Variants in GRIN2B observed in about 807,000 individuals in gnomAD.
GRIN2B encodes the protein glutamate receptor ionotropic, NMDA 2B.
A neutral mutation model predicts 114.5 loss-of-function variants in GRIN2B; 5 were observed. The ratio of observed to expected loss-of-function variants is 0.04; its 90% CI spans 0.02 to 0.09. The LOEUF (loss-of-function observed/expected upper bound fraction) is 0.09. Ranked by LOEUF, GRIN2B falls within the 10% of genes least tolerant of loss-of-function variation. GRIN2B has a pLI of 1.00. For missense variants in GRIN2B, 1,108 were observed against 1,943.5 expected, an observed-to-expected ratio of 0.57 and a Z score of 8.08; for synonymous variants, 787 against 745.1, an observed-to-expected ratio of 1.06 and a Z score of -0.92.
chr12:13,856,091 G>A (rs567308040), intron 3 of GRIN2B, among the ~76,000 whole-genome samples: 25 of 152,314 alleles, frequency 1.6e-4, no homozygotes, highest in Admixed American at 1.4e-3. Context: ...GAAGGTGGGA[G>A]TCAGGAAAGT....
chr12:13,896,265 G>GC (rs1467487662), intron 2 of GRIN2B, among the ~76,000 whole-genome samples: 1 of 152,126 alleles, frequency 6.6e-6, no homozygotes, highest in Non-Finnish European at 1.5e-5. Context: ...GGGGACAGGA[G>GC]TGCAGAGCTG....
In GRIN2B at chr12:13,731,790, G is replaced by C. The variant is rs114925675; in HGVS notation, c.1010+21527C>G. 2.2e-3 allele frequency among the ~76,000 whole-genome samples: 338 copies of C among 152,142 alleles called. 1 individual carries two copies. The highest frequency in any genetic ancestry group is 7.5e-3 in the African/African-American group (311 of 41,488). On this transcript the variant is annotated intron_variant, in intron 4 of 13. Transcript: ENST00000609686. ...CTCACATCTGGGGAATTTGAAAAAG[G>C]CCTGACTTGCCTCCCCATCTTGATT...
intron 4 of GRIN2B, among the ~76,000 whole-genome samples, chr12:13,690,441 C>T (rs543015681): frequency 5.3e-5 from 8 of 151,648 alleles, no homozygotes; most frequent in African/African-American, 1.9e-4. Flanking sequence ...AAAGTAATTC[C>T]TCCAATTATT....
In GRIN2B at chr12:13,738,869, G is replaced by T. The variant is rs149281063; in HGVS notation, c.1010+14448C>A. 2.1e-3 allele frequency among the ~76,000 whole-genome samples: 326 copies of T among 152,294 alleles called. 1 individual carries two copies. The highest frequency in any genetic ancestry group is 7.5e-3 in the African/African-American group (310 of 41,564). On this transcript the variant is annotated intron_variant, in intron 4 of 13. Coordinates refer to ENST00000609686, the MANE Select transcript of GRIN2B (RefSeq NM_000834.5). ...CCAGTGCAGCTACATCAGAATGTGT[G>T]CTGGGTGGGGCCTTGGGGTCTGTAT...
At chr12:13,799,504 C>T (rs534789418) in intron 3 of GRIN2B, among the ~76,000 whole-genome samples, 2 of 152,278 alleles carry the variant, frequency 1.3e-5, no homozygotes, top group South Asian at 4.1e-4. Flanking sequence ...TGAAAGATTG[C>T]TAGACCTGAT....
intron 10 of GRIN2B, among the ~76,000 whole-genome samples, chr12:13,606,724 A>G (rs1179948408): frequency 6.6e-6 from 1 of 152,124 alleles, no homozygotes. Flanking sequence ...GCGGCTGCAA[A>G]TGGGGGGAAA....
chr12:13,554,889 G>A lies in GRIN2B; in HGVS notation c.*7894C>T, dbSNP rs1257158433. On this transcript the variant is annotated 3_prime_UTR_variant, in exon 14 of 14. Coordinates refer to ENST00000609686, the MANE Select transcript of GRIN2B (RefSeq NM_000834.5). ...ACATGGTGATACCATTAAGCAAAAG[G>A]AGGAAGTTGGTGATTATGTTGGTTT... 5.3e-5 allele frequency: 8 copies of A among 152,168 alleles called. No individual in the cohort carries two copies. The highest frequency in any genetic ancestry group is 5.2e-4 in the Admixed American group (8 of 15,260). The allele number at this position is 152,168 out of a possible 1,614,324, so 9.4% of individuals were successfully genotyped here.
At chr12:13,632,794 G>A (rs549370517) in intron 5 of GRIN2B, among the ~76,000 whole-genome samples, 10 of 152,294 alleles carry the variant, frequency 6.6e-5, no homozygotes, top group South Asian at 2.1e-4. Context: ...CCTAGAAAAC[G>A]TCTGTGGTTT....
chr12:13,656,429 C>A (rs1949864412), intron 5 of GRIN2B, among the ~76,000 whole-genome samples: 1 of 152,136 alleles, frequency 6.6e-6, no homozygotes, highest in Non-Finnish European at 1.5e-5. Context: ...GGCAGTTCAG[C>A]CTGACTCGAA....
intron 4 of GRIN2B, among the ~76,000 whole-genome samples, chr12:13,684,676 G>T (rs1443723294): frequency 6.6e-6 from 1 of 152,120 alleles, no homozygotes; most frequent in African/African-American, 2.4e-5. Flanking sequence ...CTGTATATAA[G>T]TTAAAATCAC....
rs1295525664 is a variant in GRIN2B at position 13,540,684 on chromosome 12, T to C, written c.*22099A>G. 6.6e-6 allele frequency: 1 copy of C among 152,096 alleles called. No individual in the cohort carries two copies. Among genetic ancestry groups the C allele is most frequent in the Admixed American group, 6.6e-5 (1 of 15,256 alleles). 9.4% of individuals were successfully genotyped at this position (152,096 alleles called of 1,614,324 possible). Reference sequence around the variant, plus strand: ...CCCTCCCCCCACTCCAGAATCTCAATTGATCCCTGCATGTCCAAAATAAGA... The same window carrying C: ...CCCTCCCCCCACTCCAGAATCTCAACTGATCCCTGCATGTCCAAAATAAGA... On this transcript the variant is annotated 3_prime_UTR_variant, in exon 14 of 14. Coordinates refer to ENST00000609686, the MANE Select transcript of GRIN2B (RefSeq NM_000834.5).
At chr12:13,731,544 T>C (rs768530121) in intron 4 of GRIN2B, among the ~76,000 whole-genome samples, 1 of 152,110 alleles carries the variant, frequency 6.6e-6, no homozygotes, top group Non-Finnish European at 1.5e-5. Flanking sequence ...GAGCTTGCAG[T>C]GAGCCGAGAT....
chr12:13,723,414 G>A (rs73298369), intron 4 of GRIN2B, among the ~76,000 whole-genome samples: 1 of 151,182 alleles, frequency 6.6e-6, no homozygotes, highest in Non-Finnish European at 1.5e-5. Context: ...ATGTACCCTT[G>A]TATCAATTTT....
intron 2 of GRIN2B, among the ~76,000 whole-genome samples, chr12:13,904,771 A>G (rs1415865646): frequency 6.6e-6 from 1 of 152,106 alleles, no homozygotes; most frequent in Non-Finnish European, 1.5e-5. Context: ...AATTTTCTAC[A>G]ATGTCCTGGC....
At chr12:13,865,211 C>T (rs1175490238) in intron 3 of GRIN2B, among the ~76,000 whole-genome samples, 1 of 152,054 alleles carries the variant, frequency 6.6e-6, no homozygotes, top group Admixed American at 6.5e-5. Flanking sequence ...AAAAGGTATC[C>T]CAGAGCTACA....
chr12:13,917,423 A>G (rs1477893074), intron 2 of GRIN2B, among the ~76,000 whole-genome samples: 1 of 152,170 alleles, frequency 6.6e-6, no homozygotes, highest in Non-Finnish European at 1.5e-5. Context: ...GGCCGGCTGT[A>G]TTGCGAAGTG....
At chr12:13,918,089 A>C (rs1866763007) in intron 2 of GRIN2B, among the ~76,000 whole-genome samples, 1 of 152,178 alleles carries the variant, frequency 6.6e-6, no homozygotes, top group Non-Finnish European at 1.5e-5. Flanking sequence ...GGCATCAGAC[A>C]TCCATCAGAT....
intron 3 of GRIN2B, among the ~76,000 whole-genome samples, chr12:13,757,414 T>C (rs746696179): frequency 5.9e-5 from 9 of 152,200 alleles, no homozygotes; most frequent in Non-Finnish European, 1.2e-4. Flanking sequence ...TCTTCATGTG[T>C]GCATCGAGTA....
At chr12:13,953,514 C>G (rs146899534) in intron 2 of GRIN2B, among the ~76,000 whole-genome samples, 1 of 152,190 alleles carries the variant, frequency 6.6e-6, no homozygotes. Context: ...GAGCAAAAAC[C>G]TTGCAGACCA....
Sources: gnomAD v4.1 joint callset for allele counts (sites outside exome capture counted in the v4.1 genomes callset) on GRCh38, gnomAD v4.1.1 for gene constraint, MANE v1.5 for transcripts, NCBI Gene and HGNC (gene_info 2026-07-23, HGNC 2026-07-21) for gene names.